AKR1C4: variants seen among roughly 807,000 people sequenced by gnomAD.
AKR1C4 encodes the protein 3-alpha-HSD1.
In AKR1C4, 44 loss-of-function variants were observed where a neutral mutation model predicts 41.0. That is an observed-to-expected ratio of 1.07 (90% CI 0.84 to 1.38). The LOEUF (loss-of-function observed/expected upper bound fraction) is 1.38. Among genes scored for constraint, AKR1C4 ranks in the 40% most tolerant of loss-of-function variants. The probability of loss-of-function intolerance (pLI) is 0.00; values close to 1 mark genes in which losing one functional copy is unlikely to be tolerated. For missense variants in AKR1C4, 438 were observed against 387.9 expected (o/e 1.13, Z -1.09); for synonymous variants, 165 against 137.7 (o/e 1.20, Z -1.39).
At chr10:5,210,652 C>T (rs1381872415) in intron 5 of AKR1C4, among the ~76,000 whole-genome samples, 2 of 151,218 alleles carry the variant, frequency 1.3e-5, no homozygotes, top group East Asian at 3.9e-4. Context: ...GTCACCCAGG[C>T]CCAGGCTGGA....
At position 5,218,902 on chromosome 10, in the gene AKR1C4, T is replaced by G. The variant is rs1588345917; in HGVS notation, c.*142T>G. On this transcript the variant is annotated 3_prime_UTR_variant, in exon 9 of 9. Transcript: ENST00000263126. Reference sequence around the variant, plus strand: ...CTTGGCAACTTCAGCTAGCTAGATATATCCATGGTCCAGAAAGCAAACATA... The same window carrying G: ...CTTGGCAACTTCAGCTAGCTAGATAGATCCATGGTCCAGAAAGCAAACATA... 1.6e-6 allele frequency: 1 copy of G among 611,980 alleles called. No homozygotes were observed. Among genetic ancestry groups the G allele is most frequent in the South Asian group, 2.6e-5 (1 of 37,870 alleles). The allele number at this position is 611,980 out of a possible 1,614,324, so 37.9% of individuals were successfully genotyped here.
rs182498797 is a variant in AKR1C4 at position 5,215,319 on chromosome 10, G to A, written c.847-1392G>A. 2.3e-3 allele frequency among the ~76,000 whole-genome samples: 345 copies of A among 152,184 alleles called. 3 individuals are homozygous for A. The highest frequency in any genetic ancestry group is 8.0e-3 in the African/African-American group (333 of 41,520). On this transcript the variant is annotated intron_variant, in intron 7 of 8. Transcript: ENST00000263126. ...TGGTGGGAGGTGTTTGTGTCATGGG[G>A]GCAAATATAGAAATATAGAAATCCA... is the stretch of plus-strand genomic sequence containing the variant.
intron 2 of AKR1C4, among the ~76,000 whole-genome samples, chr10:5,203,774 A>C (rs1228927916): frequency 6.6e-6 from 1 of 152,214 alleles, no homozygotes; most frequent in Non-Finnish European, 1.5e-5. Context: ...TCTTGGGAAC[A>C]AAAAACTCAG....
At chr10:5,206,134 T>C (rs1832480872) in intron 4 of AKR1C4, 141 bp from the exon 5 acceptor site, 1 of 1,419,596 alleles carries the variant, frequency 7.0e-7, no homozygotes, top group Non-Finnish European at 9.5e-7. Flanking sequence ...TTTTGTTATC[T>C]GTTGTAATTT....
intron 5 of AKR1C4, among the ~76,000 whole-genome samples, chr10:5,206,783 A>G (rs982183639): frequency 3.2e-5 from 4 of 124,664 alleles, no homozygotes; most frequent in African/African-American, 1.4e-4. Flanking sequence ...AAAACATGGG[A>G]TGAGCAATAA....
intron 5 of AKR1C4, chr10:5,207,730 C>T (rs1832511098): frequency 2.0e-6 from 1 of 502,158 alleles, no homozygotes; most frequent in Non-Finnish European, 3.7e-6. Flanking sequence ...AAAAATATTG[C>T]AGTAATATAA....
intron 5 of AKR1C4, among the ~76,000 whole-genome samples, chr10:5,209,273 T>C (rs1554797737): frequency 6.6e-6 from 1 of 152,224 alleles, no homozygotes; most frequent in Admixed American, 6.5e-5. Context: ...AATTTTCACA[T>C]GATGATTGAG....
chr10:5,205,644 A>G (rs541967084), intron 3 of AKR1C4, 113 bp from the exon 4 acceptor site: 1 of 824,532 alleles, frequency 1.2e-6, no homozygotes, highest in South Asian at 2.1e-5. Flanking sequence ...ATCACTTTCT[A>G]GAACATTTCA....
chr10:5,197,321 T>C (rs1554796406), intron 1 of AKR1C4, among the ~76,000 whole-genome samples: 1 of 152,188 alleles, frequency 6.6e-6, no homozygotes, highest in African/African-American at 2.4e-5. Flanking sequence ...GTTGAAGAAA[T>C]CTTTTATTCT....
intron 8 of AKR1C4, among the ~76,000 whole-genome samples, chr10:5,217,982 A>T (rs1010550856): frequency 6.6e-6 from 1 of 152,286 alleles, no homozygotes; most frequent in African/African-American, 2.4e-5. Context: ...GCACAGCAGC[A>T]CATCATAAGA....
intron 2 of AKR1C4, chr10:5,202,580 T>C (rs1207169345): frequency 2.6e-6 from 1 of 380,990 alleles, no homozygotes. Flanking sequence ...CCTTGTCTTA[T>C]TCCAGTTTTC....
intron 3 of AKR1C4, among the ~76,000 whole-genome samples, chr10:5,205,322 C>T (rs1393911385): frequency 6.6e-6 from 1 of 152,134 alleles, no homozygotes; most frequent in Admixed American, 6.6e-5. Flanking sequence ...AAAGAACTTC[C>T]ATTTGAACAT....
In AKR1C4 at chr10:5,213,070, G is replaced by T; in HGVS notation, c.757G>T (p.Ala253Ser). The change falls in exon 7 of 9, where the codon GCC becomes TCC. Residue 253 changes from alanine (A) to serine (S), a missense_variant. Coordinates refer to ENST00000263126, the MANE Select transcript of AKR1C4 (RefSeq NM_001818.5). ...AGCAAAGAAACACAAACAAACCCCA[G>T]CCCTGATTGCCCTGCGCTACCAGCT... ...ALAKKHKQTPALIALRYQLQR... is the reference protein window; with the variant it reads ...ALAKKHKQTPSLIALRYQLQR... 6.2e-7 allele frequency: 1 copy of T among 1,614,144 alleles called. No individual in the cohort carries two copies. Among genetic ancestry groups the T allele is most frequent in the Non-Finnish European group, 8.5e-7 (1 of 1,180,020 alleles).
chr10:5,204,711 A>G (rs1832457900), intron 3 of AKR1C4: 2 of 673,070 alleles, frequency 3.0e-6, no homozygotes, highest in Non-Finnish European at 5.4e-6. Flanking sequence ...CCTCTGATTC[A>G]AAAATTCAAG....
rs1250161719 is a variant in AKR1C4 at position 5,206,138 on chromosome 10, G to A, written c.448-137G>A. On this transcript the variant is annotated intron_variant, in intron 4 of 8. Coordinates refer to ENST00000263126, the MANE Select transcript of AKR1C4 (RefSeq NM_001818.5). ...TGTCACTATCCTTTTGTTATCTGTTGTAATTTTTTCTCTTGAGAATCACTG... is the reference window on the plus strand; with the variant it reads ...TGTCACTATCCTTTTGTTATCTGTTATAATTTTTTCTCTTGAGAATCACTG... The A allele has an allele frequency of 3.1e-5, 45 of 1,449,998 alleles. No homozygotes were observed. The South Asian group carries it at 5.5e-4, about 18-fold the overall frequency. The allele number at this position is 1,449,998 out of a possible 1,614,324, so 89.8% of individuals were successfully genotyped here. A position where few individuals can be genotyped will look rare whatever the true frequency, so the allele number is the denominator to read the frequency against.
At position 5,204,728 on chromosome 10, in the gene AKR1C4, A is replaced by T. The variant is rs565297873; in HGVS notation, c.369+235A>T. On this transcript the variant is annotated intron_variant, in intron 3 of 8. Coordinates refer to ENST00000263126, the MANE Select transcript of AKR1C4 (RefSeq NM_001818.5). ...TCTGATTCAAAAATTCAAGAAAATA[A>T]CAACAGCCACCTTCAAGGCTCTGTC... 102 of 630,968 alleles carry T rather than the reference A, an allele frequency of 1.6e-4. 2 individuals carry two copies. In the African/African-American group the frequency reaches 1.7e-3, roughly 11 times the overall value. The allele number at this position is 630,968 out of a possible 1,614,324, so 39.1% of individuals were successfully genotyped here.
chr10:5,213,588 T>C (rs1280590963), intron 7 of AKR1C4, among the ~76,000 whole-genome samples: 9 of 152,188 alleles, frequency 5.9e-5, no homozygotes, highest in African/African-American at 2.2e-4. Flanking sequence ...TTTTATTAGG[T>C]TGCATGTCTT....
chr10:5,204,316 G>C (rs1459981536), intron 2 of AKR1C4, 61 bp from the exon 3 acceptor site: 2 of 1,292,056 alleles, frequency 1.5e-6, no homozygotes, highest in East Asian at 4.6e-5. Flanking sequence ...ATTAGGTGAA[G>C]CAAACTAATA....
intron 6 of AKR1C4, 31 bp downstream of exon 6, chr10:5,212,756 A>C (rs1554798082): frequency 6.3e-7 from 1 of 1,596,136 alleles, no homozygotes; most frequent in South Asian, 1.1e-5. Context: ...TTTACCTAAA[A>C]TGCCATTTTG....
Sources: allele counts gnomAD v4.1 joint callset (sites outside exome capture counted in the v4.1 genomes callset), GRCh38; gene constraint gnomAD v4.1.1; transcripts MANE v1.5; gene names NCBI Gene and HGNC (gene_info 2026-07-23, HGNC 2026-07-21).